The following LCK variants were observed in gnomAD, a reference collection of about 807,000 sequenced individuals.
The protein encoded by LCK is LCK proto-oncogene, Src family tyrosine kinase.
In LCK, 14 loss-of-function variants were observed where a neutral mutation model predicts 64.6. The observed-to-expected ratio is 0.22, with a 90% CI of 0.14 to 0.34. LCK has a LOEUF of 0.34. LCK is among the 10% of genes least tolerant of loss of function. The pLI, the probability that LCK is intolerant of heterozygous loss-of-function variation, is 1.00. For missense variants in LCK, 434 were observed against 668.1 expected (o/e 0.65, Z 3.86); for synonymous variants, 277 against 263.6 (o/e 1.05, Z -0.49).
At chr1:32,272,642 A>C (rs949275267) in intron 1 of LCK, among the ~76,000 whole-genome samples, 1 of 137,592 alleles carries the variant, frequency 7.3e-6, no homozygotes, top group African/African-American at 3.5e-5. Flanking sequence ...AGAGAGAGAG[A>C]GAGAGAGCGA....
In LCK at chr1:32,276,125, G is replaced by C; in HGVS notation, c.631+62G>C. The C allele has an allele frequency of 6.3e-7, 1 of 1,582,100 alleles. No individual in the cohort carries two copies. The highest frequency in any genetic ancestry group is 2.2e-5 in the East Asian group (1 of 44,586). On this transcript the variant is annotated intron_variant, in intron 7 of 12. Transcript: ENST00000336890. This position sits in a 1 kb window ranked among gnomAD's most constrained non-coding sequence, Gnocchi z 4.6. The stretch of plus-strand genomic sequence containing the variant: ...GCCTATCTCCCCTCAGTCCCCCTCA[G>C]GTGTCCCCCATCCATCTTTCAATGC...
At chr1:32,257,016 C>T (rs936317903) in intron 1 of LCK, among the ~76,000 whole-genome samples, 1 of 152,102 alleles carries the variant, frequency 6.6e-6, no homozygotes, top group Non-Finnish European at 1.5e-5. Context: ...TGAAAATGAT[C>T]AATCATTTTA....
In LCK at chr1:32,275,746, C is replaced by T; in HGVS notation, c.481+74C>T. The T allele has an allele frequency of 7.0e-7, 1 of 1,424,310 alleles. No individual in the cohort carries two copies. Among genetic ancestry groups the T allele is most frequent in the Non-Finnish European group, 9.5e-7 (1 of 1,055,594 alleles). The allele number at this position is 1,424,310 out of a possible 1,614,324, so 88.2% of individuals were successfully genotyped here. On this transcript the variant is annotated intron_variant, in intron 6 of 12. Coordinates refer to ENST00000336890, the MANE Select transcript of LCK (RefSeq NM_005356.5). The surrounding 1 kb of genome is among the most constrained non-coding windows in gnomAD (Gnocchi z 6.9). ...CCCGAGGGGGGGCGCAGGGTGAGCCCGAGGTGGAGACACGGGGTGAGTCGG... is the reference window on the plus strand; with the variant it reads ...CCCGAGGGGGGGCGCAGGGTGAGCCTGAGGTGGAGACACGGGGTGAGTCGG...
At chr1:32,260,640 TGA>T (rs1280188705) in intron 1 of LCK, among the ~76,000 whole-genome samples, 3 of 152,204 alleles carry the variant, frequency 2.0e-5, no homozygotes, top group Admixed American at 6.6e-5. Flanking sequence ...TTGTTTTGTT[TGA>T]GAGAGGTTCT....
intron 1 of LCK, among the ~76,000 whole-genome samples, chr1:32,257,178 C>T (rs1464811553): frequency 6.6e-6 from 1 of 151,348 alleles, no homozygotes; most frequent in East Asian, 1.9e-4. Flanking sequence ...GATGAAGGAA[C>T]TGAGGGAAGT....
intron 1 of LCK, among the ~76,000 whole-genome samples, chr1:32,270,723 C>T (rs548521182): frequency 7.9e-5 from 7 of 88,134 alleles, no homozygotes; most frequent in East Asian, 7.1e-4. Context: ...TTTTTTGAGA[C>T]GGACGGAATC....
chr1:32,279,755 G>A lies in LCK; in HGVS notation c.1041+8G>A. The A allele has an allele frequency of 1.2e-6, 2 of 1,610,298 alleles. No homozygotes were observed. The highest frequency in any genetic ancestry group is 1.7e-6 in the Non-Finnish European group (2 of 1,176,848). On this transcript the variant is annotated splice_region_variant and intron_variant, in intron 10 of 12. Transcript: ENST00000336890. ...CTGGACATGGCAGCCCAAGTAAGGA[G>A]ACTGGGGAGGGGGGCTGGGCAAGGG...
intron 1 of LCK, among the ~76,000 whole-genome samples, chr1:32,269,046 A>T (rs1193737403): frequency 2.0e-5 from 3 of 150,828 alleles, no homozygotes; most frequent in Admixed American, 6.7e-5. Flanking sequence ...GAGGGAGGAG[A>T]GACAGAGCTT....
At chr1:32,272,796 GTGTT>G (rs941563400) in intron 1 of LCK, among the ~76,000 whole-genome samples, 1 of 150,440 alleles carries the variant, frequency 6.6e-6, no homozygotes, top group South Asian at 2.1e-4. Flanking sequence ...CTGTGTGTGG[GTGTT>G]TGTGTGTGTG....
At chr1:32,259,649 A>T (rs918295798) in intron 1 of LCK, among the ~76,000 whole-genome samples, 2 of 150,964 alleles carry the variant, frequency 1.3e-5, no homozygotes, top group Non-Finnish European at 2.9e-5. Context: ...AATAATAATA[A>T]TGATAATAAT....
Position 32,285,493 on chromosome 1 carries a change from CTT to C in LCK, c.1328-19_1328-18del, listed in dbSNP as rs780116791. On this transcript the variant is annotated intron_variant, in intron 12 of 12. Transcript: ENST00000336890. ...GCTTCCAGTGCCTGACCTTGATGTC[CTT>C]TCACCCATCAACCCGTAGGGATGAC... 21 of 1,608,126 alleles carry C rather than the reference CTT, an allele frequency of 1.3e-5. No homozygotes were observed. In the African/African-American group the frequency reaches 2.7e-4, roughly 20 times the overall value.
chr1:32,276,849 T>C lies in LCK; in HGVS notation c.964+63T>C. 1 of 1,433,626 alleles carries C rather than the reference T, an allele frequency of 7.0e-7. No individual in the cohort carries two copies. Among genetic ancestry groups the C allele is most frequent in the Non-Finnish European group, 9.4e-7 (1 of 1,069,426 alleles). 88.8% of individuals were successfully genotyped at this position (1,433,626 alleles called of 1,614,324 possible). On this transcript the variant is annotated intron_variant, in intron 9 of 12. Coordinates refer to ENST00000336890, the MANE Select transcript of LCK (RefSeq NM_005356.5). This position sits in a 1 kb window ranked among gnomAD's most constrained non-coding sequence, Gnocchi z 4.6. The stretch of plus-strand genomic sequence containing the variant: ...TCTCCCTGCTGTCCCTGCCAGAGGG[T>C]GGAAATACACCTTTTCTTCTGGCCC...
chr1:32,276,664 C>T lies in LCK; in HGVS notation c.842C>T (p.Ser281Phe), dbSNP rs759646706. 1 of 1,614,084 alleles carries T rather than the reference C, an allele frequency of 6.2e-7. No individual in the cohort carries two copies. The highest frequency in any genetic ancestry group is 8.5e-7 in the Non-Finnish European group (1 of 1,180,002). ...AAGAGCCTGAAGCAGGGCAGCATGTCCCCGGACGCCTTCCTGGCCGAGGCC... is the reference window on the plus strand; with the variant it reads ...AAGAGCCTGAAGCAGGGCAGCATGTTCCCGGACGCCTTCCTGGCCGAGGCC... Reference protein sequence around the residue: ...AVKSLKQGSMSPDAFLAEANL... With the variant: ...AVKSLKQGSMFPDAFLAEANL... Residue 281 changes from serine to phenylalanine, a missense_variant, in exon 9 of 13, where the codon TCC (serine) becomes TTC (phenylalanine). By Grantham distance (155) the Ser-to-Phe change is radical. Around this residue, in one of 2 missense-constraint regions of LCK, gnomAD observed 201 missense variants for 376.9 expected, o/e 0.53. Coordinates refer to ENST00000336890, the MANE Select transcript of LCK (RefSeq NM_005356.5). This position sits in a 1 kb window ranked among gnomAD's most constrained non-coding sequence, Gnocchi z 4.6.
At chr1:32,261,101 C>T (rs1639756577) in intron 1 of LCK, among the ~76,000 whole-genome samples, 1 of 151,430 alleles carries the variant, frequency 6.6e-6, no homozygotes, top group Admixed American at 6.6e-5. Context: ...ACAGGGTCCC[C>T]TGTCGCCCAG....
chr1:32,274,896 T>C (rs915243775), intron 3 of LCK, 78 bp downstream of exon 3: 3 of 1,613,826 alleles, frequency 1.9e-6, no homozygotes, highest in Non-Finnish European at 2.5e-6. Context: ...CCCCACCTAC[T>C]TTCTCCCCGG....
Position 32,285,766 on chromosome 1 carries a change from T to C in LCK, c.*50T>C, listed in dbSNP as rs1276890203. On this transcript the variant is annotated 3_prime_UTR_variant, in exon 13 of 13. Transcript: ENST00000336890. ...CTCCCCCTTTCTCTCCAGCCTGACT[T>C]GGGGAGATGGAGTTCTTGTGCCATA... 1.3e-6 allele frequency: 2 copies of C among 1,539,150 alleles called. No individual in the cohort carries two copies. The highest frequency in any genetic ancestry group is 1.4e-5 in the African/African-American group (1 of 72,766).
chr1:32,275,813 C>A lies in LCK; in HGVS notation c.482-101C>A. The A allele has an allele frequency of 6.8e-7, 1 of 1,470,826 alleles. No individual in the cohort carries two copies. 91.1% of individuals were successfully genotyped at this position (1,470,826 alleles called of 1,614,324 possible). On this transcript the variant is annotated intron_variant, in intron 6 of 12. Transcript: ENST00000336890. This position sits in a 1 kb window ranked among gnomAD's most constrained non-coding sequence, Gnocchi z 6.9. ...AGCCCGAGGTGGGGGCGCGGGATGA[C>A]CCGGAGTTGGGGGTGCTGGGTGAGC...
At chr1:32,281,360 T>A (rs1471899741) in intron 12 of LCK, among the ~76,000 whole-genome samples, 1 of 148,450 alleles carries the variant, frequency 6.7e-6, no homozygotes, top group East Asian at 2.0e-4. Flanking sequence ...TTTGGGAGGC[T>A]GAGGTGGGAG....
At chr1:32,283,436 G>A (rs974853232) in intron 12 of LCK, among the ~76,000 whole-genome samples, 1 of 152,084 alleles carries the variant, frequency 6.6e-6, no homozygotes, top group East Asian at 1.9e-4. Context: ...TACCCTATAA[G>A]GTTTTGGTCT....
Sources: allele counts gnomAD v4.1 joint callset (sites outside exome capture counted in the v4.1 genomes callset), GRCh38; gene constraint gnomAD v4.1.1; regional missense constraint gnomAD v4.1.1; non-coding constraint Gnocchi (gnomAD v3.1); transcripts MANE v1.5; gene names NCBI Gene and HGNC (gene_info 2026-07-23, HGNC 2026-07-21).